Variants in AMTN observed in about 807,000 individuals in gnomAD.
AMTN encodes the protein amelotin, also known as RSTI689.
In AMTN, 29 loss-of-function variants were observed where a neutral mutation model predicts 27.4. The ratio of observed to expected loss-of-function variants is 1.06; its 90% CI spans 0.79 to 1.44. The LOEUF is 1.44. AMTN is among the 40% of genes most tolerant of loss of function. The pLI is 0.00. For synonymous variants in AMTN, 86 were observed against 95.7 expected, an observed-to-expected ratio of 0.90 and a Z score of 0.59; for missense variants, 247 against 248.8, an observed-to-expected ratio of 0.99 and a Z score of 0.05.
intron 5 of AMTN, among the ~76,000 whole-genome samples, chr4:70,525,436 C>T (rs1265060866): frequency 1.3e-5 from 2 of 152,120 alleles, no homozygotes; most frequent in Admixed American, 6.6e-5. Flanking sequence ...TCAGTATTTA[C>T]CACCTCCCAC....
At chr4:70,522,218 A>G (rs1166553267) in intron 2 of AMTN, among the ~76,000 whole-genome samples, 3 of 152,320 alleles carry the variant, frequency 2.0e-5, no homozygotes, top group African/African-American at 7.2e-5. Flanking sequence ...TAATACAACT[A>G]GACCAAATGT....
intron 3 of AMTN, 148 bp from the exon 4 acceptor site, chr4:70,523,720 G>C (rs1257792422): frequency 4.5e-6 from 3 of 666,732 alleles, no homozygotes; most frequent in African/African-American, 3.6e-5. Flanking sequence ...AGCAATGCTA[G>C]TGAGAGGCCC....
At position 70,521,640 on chromosome 4, in the gene AMTN, C is replaced by CTT. The variant is rs763143860; in HGVS notation, c.55-1080_55-1079dup. Among the ~76,000 whole-genome samples, 31 of 76,484 alleles carry CTT rather than the reference C, an allele frequency of 4.1e-4. 7 individuals carry two copies. The highest frequency in any genetic ancestry group is 2.7e-3 in the East Asian group (5 of 1,884). 50.2% of individuals were successfully genotyped at this position (76,484 alleles called of 152,430 possible). A position where few individuals can be genotyped will look rare whatever the true frequency, so the allele number is the denominator to read the frequency against. On this transcript the variant is annotated intron_variant, in intron 2 of 8. Coordinates refer to ENST00000339336, the MANE Select transcript of AMTN (RefSeq NM_212557.4). The stretch of plus-strand genomic sequence containing the variant: ...CCTAGAACAGATAATACCAACCTCT[C>CTT]TTTTTTTTTTTTTTTTTTTTTTTTT...
At chr4:70,521,378 TAAAA>T (rs58094819) in intron 2 of AMTN, among the ~76,000 whole-genome samples, 1 of 115,038 alleles carries the variant, frequency 8.7e-6, no homozygotes, top group Non-Finnish European at 1.8e-5. Flanking sequence ...AGACTCCACT[TAAAA>T]AAAAAAAAAA....
In AMTN at chr4:70,532,605, T is replaced by C; in HGVS notation, c.*140T>C. The C allele has an allele frequency of 1.3e-6, 1 of 774,270 alleles. No individual in the cohort carries two copies. The highest frequency in any genetic ancestry group is 2.0e-6 in the Non-Finnish European group (1 of 496,988). The allele number at this position is 774,270 out of a possible 1,614,324, so 48.0% of individuals were successfully genotyped here. A position where few individuals can be genotyped will look rare whatever the true frequency, so the allele number is the denominator to read the frequency against. On this transcript the variant is annotated 3_prime_UTR_variant, in exon 9 of 9. Transcript: ENST00000339336. Reference sequence around the variant, plus strand: ...TAATTCTTAATTTACCTGAAAATATTCTTGAAATTTCAGAAAATATGTTCT... The same window carrying C: ...TAATTCTTAATTTACCTGAAAATATCCTTGAAATTTCAGAAAATATGTTCT...
chr4:70,523,321 C>T (rs908258741), intron 3 of AMTN, among the ~76,000 whole-genome samples: 5 of 152,104 alleles, frequency 3.3e-5, no homozygotes, highest in African/African-American at 7.2e-5. Flanking sequence ...TTCTTCAAAG[C>T]GTATTTAAAT....
chr4:70,524,211 C>G (rs1736045159), intron 4 of AMTN, among the ~76,000 whole-genome samples: 1 of 152,108 alleles, frequency 6.6e-6, no homozygotes, highest in Admixed American at 6.6e-5. Context: ...ATTCCTCCAC[C>G]ATACCTTCTT....
chr4:70,523,274 T>A (rs940591281), intron 3 of AMTN, among the ~76,000 whole-genome samples: 1 of 152,208 alleles, frequency 6.6e-6, no homozygotes, highest in African/African-American at 2.4e-5. Flanking sequence ...AAAGTTTCAT[T>A]GTTGCTGATG....
rs1172173137 is a variant in AMTN at position 70,524,882 on chromosome 4, C to A, written c.215C>A (p.Ala72Asp). The change falls in exon 5 of 9, where the codon GCT (alanine) becomes GAT (aspartate). Residue 72 changes from alanine (A) to aspartate (D), a missense_variant. Physicochemically the swap from Ala to Asp is moderately radical, Grantham distance 126. Coordinates refer to ENST00000339336, the MANE Select transcript of AMTN (RefSeq NM_212557.4). ...TTCCTTGCCCTACAGTTAAATCCTG[C>A]TGCAGGAATGACACCTGGTACCCAG... ...LGPDLHLLNP[A>D]AGMTPGTQTH... The A allele has an allele frequency of 6.2e-7, 1 of 1,613,818 alleles. No homozygotes were observed.
chr4:70,528,880 G>A, intron 6 of AMTN, 122 bp downstream of exon 6: 1 of 797,510 alleles, frequency 1.3e-6, no homozygotes, highest in Non-Finnish European at 1.9e-6. Context: ...TATGGACACT[G>A]ATAATCACAA....
chr4:70,530,817 A>G (rs765589390), intron 7 of AMTN, among the ~76,000 whole-genome samples: 17 of 152,172 alleles, frequency 1.1e-4, no homozygotes, highest in Non-Finnish European at 2.4e-4. Context: ...AATAATATGT[A>G]ATTTATTTCT....
intron 2 of AMTN, 62 bp downstream of exon 2, chr4:70,518,893 C>G: frequency 7.6e-7 from 1 of 1,320,734 alleles, no homozygotes; most frequent in Non-Finnish European, 1.1e-6. Flanking sequence ...AGCTGCAGAC[C>G]TACCTCTCTC....
intron 8 of AMTN, among the ~76,000 whole-genome samples, chr4:70,532,099 C>G (rs917490835): frequency 1.3e-5 from 2 of 152,202 alleles, no homozygotes; most frequent in Admixed American, 6.5e-5. Flanking sequence ...TCATCATGAC[C>G]CTGTCTCCAC....
Position 70,523,907 on chromosome 4 carries a change from C to G in AMTN, c.178C>G (p.Leu60Val). Reference sequence around the variant, plus strand: ...AAGTCTGATACCATTAACACAGATGCTCACACTGGGGCCAGATCTGCATCT... The same window carrying G: ...AAGTCTGATACCATTAACACAGATGGTCACACTGGGGCCAGATCTGCATCT... ...SLSLIPLTQM[L>V]TLGPDLHLLN... The change falls in exon 4 of 9, where the codon CTC (leucine) becomes GTC (valine). Residue 60 changes from leucine to valine, a missense_variant. Transcript: ENST00000339336. 1 of 1,613,766 alleles carries G rather than the reference C, an allele frequency of 6.2e-7. No homozygotes were observed. Among genetic ancestry groups the G allele is most frequent in the Non-Finnish European group, 8.5e-7 (1 of 1,179,698 alleles).
chr4:70,525,281 G>A (rs1440626874), intron 5 of AMTN, among the ~76,000 whole-genome samples: 3 of 152,162 alleles, frequency 2.0e-5, no homozygotes, highest in Non-Finnish European at 2.9e-5. Flanking sequence ...TTTTTCTCTA[G>A]CATATTGTTT....
intron 7 of AMTN, 117 bp downstream of exon 7, chr4:70,529,327 G>T: frequency 1.6e-6 from 1 of 636,222 alleles, no homozygotes; most frequent in South Asian, 4.9e-5. Flanking sequence ...ACAATGAACT[G>T]AACATTTTTA....
intron 2 of AMTN, among the ~76,000 whole-genome samples, chr4:70,519,612 C>T (rs1026709343): frequency 2.0e-4 from 31 of 152,104 alleles, no homozygotes; most frequent in African/African-American, 7.5e-4. Context: ...ATATGCCAGA[C>T]ATTGTGCTAG....
At chr4:70,525,246 G>T (rs1194529523) in intron 5 of AMTN, among the ~76,000 whole-genome samples, 1 of 152,128 alleles carries the variant, frequency 6.6e-6, no homozygotes, top group East Asian at 1.9e-4. Context: ...AAAAATACAT[G>T]GGGGGAAGTT....
In AMTN at chr4:70,532,568, C is replaced by A; in HGVS notation, c.*103C>A. 1 of 1,042,166 alleles carries A rather than the reference C, an allele frequency of 9.6e-7. No individual in the cohort carries two copies. Among genetic ancestry groups the A allele is most frequent in the Non-Finnish European group, 1.4e-6 (1 of 707,678 alleles). 64.6% of individuals were successfully genotyped at this position (1,042,166 alleles called of 1,614,324 possible). A position where few individuals can be genotyped will look rare whatever the true frequency, so the allele number is the denominator to read the frequency against. On this transcript the variant is annotated 3_prime_UTR_variant, in exon 9 of 9. Transcript: ENST00000339336. ...AATAGATTGAGACACATTGGATAGT[C>A]TTAGAAGAAATTAATTCTTAATTTA...
Sources: gnomAD v4.1 joint callset for allele counts (sites outside exome capture counted in the v4.1 genomes callset) on GRCh38, gnomAD v4.1.1 for gene constraint, MANE v1.5 for transcripts, NCBI Gene and HGNC (gene_info 2026-07-23, HGNC 2026-07-21) for gene names.